SPATA6: variants seen among roughly 807,000 people sequenced by gnomAD.
SPATA6 encodes spermatogenesis associated 6, also known as spermatogenesis-associated protein 6.
In SPATA6, 56 loss-of-function variants were observed where a neutral mutation model predicts 65.3. The ratio of observed to expected loss-of-function variants is 0.86; its 90% CI spans 0.69 to 1.07. SPATA6 has a LOEUF of 1.07. SPATA6 is among the 50% of genes least tolerant of loss of function. SPATA6 has a pLI of 0.00. For synonymous variants in SPATA6, 199 were observed against 213.2 expected (o/e 0.93, Z 0.58); for missense variants, 590 against 594.8 (o/e 0.99, Z 0.08).
chr1:48,464,595 G>A (rs1657676297), intron 1 of SPATA6, among the ~76,000 whole-genome samples: 1 of 152,158 alleles, frequency 6.6e-6, no homozygotes, highest in Admixed American at 6.6e-5. Context: ...AGGGAAAAAA[G>A]GGCTATTGCC....
intron 12 of SPATA6, among the ~76,000 whole-genome samples, chr1:48,305,067 G>A (rs1311497197): frequency 6.6e-6 from 1 of 152,132 alleles, no homozygotes; most frequent in Non-Finnish European, 1.5e-5. Flanking sequence ...CTTATAGTCT[G>A]TGTAAGGGGC....
intron 3 of SPATA6, among the ~76,000 whole-genome samples, chr1:48,420,735 T>C (rs1301424563): frequency 6.6e-6 from 1 of 152,182 alleles, no homozygotes; most frequent in African/African-American, 2.4e-5. Context: ...ATTGACCCAG[T>C]AATAGACGCT....
At chr1:48,442,276 T>G (rs566494076) in intron 3 of SPATA6, among the ~76,000 whole-genome samples, 1 of 152,112 alleles carries the variant, frequency 6.6e-6, no homozygotes, top group Non-Finnish European at 1.5e-5. Context: ...AGAATAAAAG[T>G]GTACACGGAT....
intron 11 of SPATA6, among the ~76,000 whole-genome samples, chr1:48,341,295 G>C (rs556338221): frequency 7.2e-5 from 11 of 152,194 alleles, no homozygotes; most frequent in African/African-American, 2.4e-4. Flanking sequence ...ATAATCTGTG[G>C]TCAACAGTAG....
chr1:48,318,836 T>A (rs1181340156), intron 11 of SPATA6, among the ~76,000 whole-genome samples: 4 of 152,046 alleles, frequency 2.6e-5, no homozygotes, highest in African/African-American at 9.7e-5. Flanking sequence ...GAAGAAAAGG[T>A]GGAAGACTAA....
chr1:48,401,949 A>C (rs1276928541), intron 6 of SPATA6, among the ~76,000 whole-genome samples: 1 of 152,190 alleles, frequency 6.6e-6, no homozygotes, highest in African/African-American at 2.4e-5. Flanking sequence ...ACTTTGCAAT[A>C]GGTAAAAACA....
intron 3 of SPATA6, among the ~76,000 whole-genome samples, chr1:48,422,796 A>G (rs1488432748): frequency 6.6e-6 from 1 of 152,206 alleles, no homozygotes; most frequent in Non-Finnish European, 1.5e-5. Context: ...AGTATTCAGC[A>G]ATGTCAACTA....
chr1:48,349,860 A>G (rs1046660179), intron 11 of SPATA6, among the ~76,000 whole-genome samples: 2 of 151,914 alleles, frequency 1.3e-5, no homozygotes, highest in Non-Finnish European at 2.9e-5. Flanking sequence ...TTTGTTCACC[A>G]TTCACCAATG....
intron 9 of SPATA6, among the ~76,000 whole-genome samples, chr1:48,374,188 T>C (rs948582795): frequency 1.3e-5 from 2 of 152,102 alleles, no homozygotes; most frequent in South Asian, 2.1e-4. Flanking sequence ...AAAAATAAAA[T>C]TCTTTATATG....
intron 11 of SPATA6, among the ~76,000 whole-genome samples, chr1:48,342,870 G>A (rs1046369741): frequency 3.9e-5 from 6 of 151,920 alleles, no homozygotes; most frequent in African/African-American, 1.5e-4. Flanking sequence ...AATTTTAAAG[G>A]ACCTAGAATA....
At chr1:48,345,748 A>T (rs1370321389) in intron 11 of SPATA6, among the ~76,000 whole-genome samples, 3 of 152,046 alleles carry the variant, frequency 2.0e-5, no homozygotes, top group Admixed American at 2.0e-4. Flanking sequence ...AAGAAGAAAT[A>T]GATAAATTCT....
intron 11 of SPATA6, among the ~76,000 whole-genome samples, chr1:48,324,203 C>T (rs965979375): frequency 2.0e-5 from 3 of 152,170 alleles, no homozygotes; most frequent in Non-Finnish European, 4.4e-5. Context: ...AGAGATTCTC[C>T]CGCCTTGGCC....
At chr1:48,372,972 C>A (rs535436127) in intron 9 of SPATA6, among the ~76,000 whole-genome samples, 215 of 152,296 alleles carry the variant, frequency 1.4e-3, no homozygotes, top group African/African-American at 3.7e-3. Context: ...TCCCACTGGA[C>A]CTCTCGGCCT....
In SPATA6 at chr1:48,472,143, C is replaced by A. The variant is rs1406693771; in HGVS notation, c.-135G>T. 2 of 660,122 alleles carry A rather than the reference C, an allele frequency of 3.0e-6. No homozygotes were observed. Among genetic ancestry groups the A allele is most frequent in the Non-Finnish European group, 4.8e-6 (2 of 416,214 alleles). The allele number at this position is 660,122 out of a possible 1,614,324, so 40.9% of individuals were successfully genotyped here. On this transcript the variant is annotated 5_prime_UTR_variant, in exon 1 of 13. Transcript: ENST00000371847. ...CAGCAGTGGCCCCCAGGCCGGGGCC[C>A]GCGGTCCAGCCTGGGTTCCGCCGGA...
intron 9 of SPATA6, among the ~76,000 whole-genome samples, chr1:48,382,634 C>CA (rs1648834500): frequency 1.6e-5 from 1 of 61,608 alleles, no homozygotes; most frequent in African/African-American, 4.9e-5. Context: ...GGCCGACCCC[C>CA]CCCCCCCCGC....
chr1:48,435,229 G>A (rs1188185394), intron 3 of SPATA6, among the ~76,000 whole-genome samples: 1 of 152,152 alleles, frequency 6.6e-6, no homozygotes, highest in Non-Finnish European at 1.5e-5. Flanking sequence ...TGGACTCCCT[G>A]GGTCAAGTGG....
intron 1 of SPATA6, among the ~76,000 whole-genome samples, chr1:48,467,959 A>T (rs369856630): frequency 6.6e-6 from 1 of 152,214 alleles, no homozygotes; most frequent in African/African-American, 2.4e-5. Flanking sequence ...AAATTAGAAG[A>T]GCCATTACAA....
intron 10 of SPATA6, among the ~76,000 whole-genome samples, chr1:48,357,149 A>G (rs1316529691): frequency 6.6e-6 from 1 of 152,142 alleles, no homozygotes; most frequent in Non-Finnish European, 1.5e-5. Flanking sequence ...TCAAAACTTT[A>G]AGCATGATTC....
the SPATA6 span, among the ~76,000 whole-genome samples, chr1:48,265,496 A>G: frequency 1.3e-5 from 2 of 152,208 alleles, no homozygotes; most frequent in South Asian, 4.1e-4. Context: ...CTTGGAGCTC[A>G]AGGTATTTTT....
Sources: gnomAD v4.1 joint callset for allele counts (sites outside exome capture counted in the v4.1 genomes callset) on GRCh38, gnomAD v4.1.1 for gene constraint, MANE v1.5 for transcripts, NCBI Gene and HGNC (gene_info 2026-07-23, HGNC 2026-07-21) for gene names.